The following PABPC1 variants were observed in gnomAD, a reference collection of about 807,000 sequenced individuals.
The protein encoded by PABPC1 is poly(A) binding protein cytoplasmic 1.
Under a neutral mutation model 74.0 loss-of-function variants are expected in PABPC1, and 4 were observed. That is an observed-to-expected ratio of 0.05 (90% CI 0.03 to 0.12). PABPC1 has a LOEUF of 0.12. PABPC1 is among the 10% of genes least tolerant of loss of function. The pLI is 1.00. For missense variants in PABPC1, 271 were observed against 821.1 expected, an observed-to-expected ratio of 0.33 and a Z score of 8.19; for synonymous variants, 227 against 264.1, an observed-to-expected ratio of 0.86 and a Z score of 1.36.
intron 11 of PABPC1, among the ~76,000 whole-genome samples, chr8:100,706,248 A>G (rs2129675688): frequency 6.6e-6 from 1 of 152,374 alleles, no homozygotes; most frequent in East Asian, 1.9e-4. Flanking sequence ...CATTTTACAT[A>G]CTATCATATT....
chr8:100,704,145 A>C, intron 14 of PABPC1, 152 bp downstream of exon 14: 1 of 654,112 alleles, frequency 1.5e-6, no homozygotes, highest in South Asian at 1.9e-5. Flanking sequence ...ATTCCTCTAT[A>C]GTTAGTTCCA....
At chr8:100,712,952 CA>C (rs1432905098) in intron 5 of PABPC1, 134 bp downstream of exon 5, 38 of 1,042,028 alleles carry the variant, frequency 3.6e-5, no homozygotes, top group Non-Finnish European at 4.7e-5. Context: ...TTTATACTCT[CA>C]AACCTAATGC....
chr8:100,715,687 T>G lies in PABPC1; in HGVS notation c.504-86A>C, dbSNP rs1810651553. On this transcript the variant is annotated intron_variant, in intron 3 of 14. Transcript: ENST00000318607. ...AGCCTGATGGTTGGTTTTGTTACTG[T>G]TAATGAGAATATTCAGAATCCCTAA... 3.4e-6 allele frequency: 3 copies of G among 889,366 alleles called. No individual in the cohort carries two copies. In the South Asian group the frequency reaches 7.1e-5, roughly 21 times the overall value. 55.1% of individuals were successfully genotyped at this position (889,366 alleles called of 1,614,324 possible).
Position 100,713,191 on chromosome 8 carries a change from T to A in PABPC1, c.644-10A>T, listed in dbSNP as rs746022698. On this transcript the variant is annotated splice_polypyrimidine_tract_variant and intron_variant, in intron 4 of 14. Coordinates refer to ENST00000318607, the MANE Select transcript of PABPC1 (RefSeq NM_002568.4). ...ACACTTAAGGCAGGCCCTAAAAAAT[T>A]TTTTTACATAAATCAAAGATATTCC... 2.7e-6 allele frequency: 4 copies of A among 1,470,788 alleles called. No homozygotes were observed. Among genetic ancestry groups the A allele is most frequent in the East Asian group, 4.7e-5 (2 of 42,998 alleles). The allele number at this position is 1,470,788 out of a possible 1,614,324, so 91.1% of individuals were successfully genotyped here.
At position 100,721,384 on chromosome 8, in the gene PABPC1, C is replaced by A. The variant is rs201336883; in HGVS notation, c.193+7G>T. The A allele has an allele frequency of 2.7e-5, 41 of 1,513,836 alleles. No individual in the cohort carries two copies. In the African/African-American group the frequency reaches 5.0e-4, roughly 18 times the overall value. The allele number at this position is 1,513,836 out of a possible 1,614,324, so 93.8% of individuals were successfully genotyped here. Reference sequence around the variant, plus strand: ...CCGCCCGGCCGACCGCGGAGCCCGGCGCTCACCGTCCGCCGGCTGCTGGAA... The same window carrying A: ...CCGCCCGGCCGACCGCGGAGCCCGGAGCTCACCGTCCGCCGGCTGCTGGAA... On this transcript the variant is annotated splice_region_variant and intron_variant, in intron 1 of 14. Coordinates refer to ENST00000318607, the MANE Select transcript of PABPC1 (RefSeq NM_002568.4). This position sits in a 1 kb window ranked among gnomAD's most constrained non-coding sequence, Gnocchi z 7.4.
chr8:100,714,758 A>G (rs1283133259), intron 4 of PABPC1, among the ~76,000 whole-genome samples: 1 of 152,136 alleles, frequency 6.6e-6, no homozygotes, highest in East Asian at 1.9e-4. Context: ...ATTCTTTATT[A>G]TTTGACATAT....
intron 3 of PABPC1, 126 bp from the exon 4 acceptor site, chr8:100,715,727 C>A: frequency 1.4e-5 from 8 of 566,324 alleles, no homozygotes; most frequent in Non-Finnish European, 1.2e-5. Flanking sequence ...AAGCACACTA[C>A]AAAATAGAAA....
chr8:100,714,981 T>A (rs1444043959), intron 4 of PABPC1, among the ~76,000 whole-genome samples: 1 of 152,118 alleles, frequency 6.6e-6, no homozygotes, highest in Non-Finnish European at 1.5e-5. Flanking sequence ...GAATTTTTGG[T>A]TTCATCGCTG....
At chr8:100,716,692 CTTT>C (rs892842363) in intron 3 of PABPC1, among the ~76,000 whole-genome samples, 2 of 152,162 alleles carry the variant, frequency 1.3e-5, no homozygotes, top group Non-Finnish European at 2.9e-5. Flanking sequence ...AATGCTGCAA[CTTT>C]TTTAAGAGAC....
In PABPC1 at chr8:100,717,713, G is replaced by A. The variant is rs60777871; in HGVS notation, c.503+60C>T. 283 of 991,786 alleles carry A rather than the reference G, an allele frequency of 2.9e-4. 1 individual carries two copies. The African/African-American group carries it at 3.3e-3, about 12-fold the overall frequency. 61.4% of individuals were successfully genotyped at this position (991,786 alleles called of 1,614,324 possible). The stretch of plus-strand genomic sequence containing the variant: ...TGACAAATATTAACTTAAAATGAAT[G>A]GATTTGGAATTATTAAAAATAAGAT... On this transcript the variant is annotated intron_variant, in intron 3 of 14. Coordinates refer to ENST00000318607, the MANE Select transcript of PABPC1 (RefSeq NM_002568.4).
At chr8:100,711,035 T>C (rs147006888) in intron 7 of PABPC1, among the ~76,000 whole-genome samples, 1,539 of 152,276 alleles carry the variant, frequency 0.01, 23 homozygotes, top group African/African-American at 0.036. Context: ...CTCACGCCTG[T>C]AATCCCAACA....
At chr8:100,710,347 A>T (rs1810495653) in intron 7 of PABPC1, among the ~76,000 whole-genome samples, 1 of 152,206 alleles carries the variant, frequency 6.6e-6, no homozygotes, top group Admixed American at 6.5e-5. Flanking sequence ...AATATATATA[A>T]GCATGCTATA....
chr8:100,703,494 T>C (rs1810298560), intron 14 of PABPC1, 135 bp from the exon 15 acceptor site: 1 of 152,274 alleles, frequency 6.6e-6, no homozygotes, highest in Non-Finnish European at 1.5e-5. Context: ...TTCATTTGTA[T>C]ACATACTATC....
intron 9 of PABPC1, among the ~76,000 whole-genome samples, chr8:100,708,908 A>AAATAAAT (rs1563610918): frequency 3.1e-4 from 41 of 132,714 alleles, no homozygotes; most frequent in African/African-American, 1.1e-3. Flanking sequence ...AATAAATAAA[A>AAATAAAT]AATGAAGAGC....
chr8:100,712,307 C>T (rs1045977980), intron 7 of PABPC1, 55 bp downstream of exon 7: 1 of 986,782 alleles, frequency 1.0e-6, no homozygotes, highest in African/African-American at 1.6e-5. Context: ...ATACATATAT[C>T]TACATGTATG....
intron 11 of PABPC1, among the ~76,000 whole-genome samples, chr8:100,706,273 G>C (rs1040303608): frequency 2.0e-5 from 3 of 152,210 alleles, no homozygotes; most frequent in Non-Finnish European, 2.9e-5. Flanking sequence ...GAATGTTCCA[G>C]ATAGGCTAAG....
At chr8:100,709,282 A>G (rs1275653891) in intron 8 of PABPC1, 59 bp from the exon 9 acceptor site, 8 of 1,510,360 alleles carry the variant, frequency 5.3e-6, no homozygotes, top group Non-Finnish European at 7.4e-6. Context: ...ATAATGCAAT[A>G]AATTATATGT....
chr8:100,712,492 A>G (rs900927342), intron 6 of PABPC1, 35 bp from the exon 7 acceptor site: 2 of 1,513,306 alleles, frequency 1.3e-6, no homozygotes, highest in Non-Finnish European at 1.8e-6. Context: ...AGAAAAAGAA[A>G]ACCATGGTGG....
chr8:100,718,240 C>G lies in PABPC1; in HGVS notation c.234G>C (p.Lys78Asn). Residue 78 changes from lysine to asparagine, a missense_variant, in exon 2 of 15, where the codon AAG (lysine) becomes AAC (asparagine). Lys to Asn is a moderately conservative substitution (Grantham distance 94). Coordinates refer to ENST00000318607, the MANE Select transcript of PABPC1 (RefSeq NM_002568.4). ...ACCACATGATGCGTACTGGCTTGCCCTTTATAACATCAAAATTCATGGTGT... is the reference window on the plus strand; with the variant it reads ...ACCACATGATGCGTACTGGCTTGCCGTTTATAACATCAAAATTCATGGTGT... ...ALDTMNFDVIKGKPVRIMWSQ... is the reference protein window; with the variant it reads ...ALDTMNFDVINGKPVRIMWSQ... The G allele has an allele frequency of 6.2e-7, 1 of 1,613,968 alleles. No homozygotes were observed. The highest frequency in any genetic ancestry group is 1.1e-5 in the South Asian group (1 of 91,080).
Sources: allele counts gnomAD v4.1 joint callset (sites outside exome capture counted in the v4.1 genomes callset), GRCh38; gene constraint gnomAD v4.1.1; non-coding constraint Gnocchi (gnomAD v3.1); transcripts MANE v1.5; gene names NCBI Gene and HGNC (gene_info 2026-07-23, HGNC 2026-07-21).